The following TAS2R1 variants were observed in gnomAD, a reference collection of about 807,000 sequenced individuals.
The protein encoded by TAS2R1 is taste receptor type 2 member 1.
For synonymous variants in TAS2R1, 141 were observed against 134.2 expected (o/e 1.05, Z -0.35); for missense variants, 370 against 353.4 (o/e 1.05, Z -0.38).
At chr5:9,863,372 C>A in the TAS2R1 span, among the ~76,000 whole-genome samples, 1 of 151,064 alleles carries the variant, frequency 6.6e-6, no homozygotes, top group Non-Finnish European at 1.5e-5. Context: ...CCTGGGTTCA[C>A]GCCATTCTCC....
intron 2 of TAS2R1, among the ~76,000 whole-genome samples, chr5:9,652,006 T>A (rs1740315699): frequency 6.6e-6 from 1 of 152,166 alleles, no homozygotes; most frequent in East Asian, 1.9e-4. Flanking sequence ...TGCATGAGTG[T>A]CAGAAGGAAA....
At chr5:9,709,803 C>T (rs1161011210) in intron 1 of TAS2R1, among the ~76,000 whole-genome samples, 1 of 152,204 alleles carries the variant, frequency 6.6e-6, no homozygotes, top group Non-Finnish European at 1.5e-5. Flanking sequence ...CTGGAAACAC[C>T]CAGCTAATCT....
the TAS2R1 span, among the ~76,000 whole-genome samples, chr5:9,796,735 AAAAAG>A: frequency 2.0e-3 from 294 of 146,932 alleles, 2 homozygotes; most frequent in African/African-American, 5.6e-3. Flanking sequence ...AAAAAAAAAA[AAAAAG>A]AAAAGAAAAA....
rs1739790730 is a variant in TAS2R1, at chr5:9,628,134, A to G, written c.*999T>C. ...GTATATCTATCTCCATAATTTATCTATCTATCTATCTATCTATCTATCTAT... is the reference window on the plus strand; with the variant it reads ...GTATATCTATCTCCATAATTTATCTGTCTATCTATCTATCTATCTATCTAT... On this transcript the variant is annotated 3_prime_UTR_variant, in exon 1 of 1. Transcript: ENST00000382492. Among the ~76,000 whole-genome samples the G allele has an allele frequency of 7.5e-6, 1 of 133,110 alleles. No individual in the cohort carries two copies. Among genetic ancestry groups the G allele is most frequent in the East Asian group, 2.0e-4 (1 of 4,978 alleles). 87.3% of individuals were successfully genotyped at this position (133,110 alleles called of 152,430 possible).
chr5:9,791,118 T>C, the TAS2R1 span, among the ~76,000 whole-genome samples: 20 of 152,268 alleles, frequency 1.3e-4, no homozygotes, highest in Non-Finnish European at 2.4e-4. Flanking sequence ...AACCATATGC[T>C]CACTAAGTTA....
intron 1 of TAS2R1, among the ~76,000 whole-genome samples, chr5:9,679,089 G>C (rs1333215048): frequency 2.0e-5 from 3 of 152,162 alleles, no homozygotes; most frequent in African/African-American, 7.2e-5. Flanking sequence ...CTATTACTAA[G>C]TGAAATGAGC....
At chr5:9,644,094 G>A (rs148060792) in intron 2 of TAS2R1, among the ~76,000 whole-genome samples, 1 of 152,288 alleles carries the variant, frequency 6.6e-6, no homozygotes, top group Non-Finnish European at 1.5e-5. Flanking sequence ...AAGGCATGGA[G>A]ACTGCATCTC....
At chr5:9,703,881 T>C (rs1393591482) in intron 1 of TAS2R1, among the ~76,000 whole-genome samples, 1 of 152,236 alleles carries the variant, frequency 6.6e-6, no homozygotes, top group African/African-American at 2.4e-5. Context: ...CTAGACTAAA[T>C]GCATACTCAT....
the TAS2R1 span, among the ~76,000 whole-genome samples, chr5:9,774,734 C>A: frequency 1.3e-5 from 2 of 152,242 alleles, no homozygotes; most frequent in Admixed American, 6.5e-5. Flanking sequence ...CAGAATAATT[C>A]TCTGGATTAC....
the TAS2R1 span, among the ~76,000 whole-genome samples, chr5:9,814,522 T>C: frequency 1.7e-3 from 261 of 152,300 alleles, no homozygotes; most frequent in African/African-American, 5.9e-3. Flanking sequence ...AGGGAATACA[T>C]TCTACATTCC....
the TAS2R1 span, among the ~76,000 whole-genome samples, chr5:9,796,985 C>T: frequency 5.9e-5 from 9 of 152,204 alleles, no homozygotes; most frequent in South Asian, 1.9e-3. Flanking sequence ...CTGGGAAACA[C>T]TGCTCCATAT....
chr5:9,844,867 A>G, the TAS2R1 span, among the ~76,000 whole-genome samples: 1 of 152,190 alleles, frequency 6.6e-6, no homozygotes, highest in Non-Finnish European at 1.5e-5. Context: ...TGCCAGGTGA[A>G]TTTTCCCAAA....
In TAS2R1 at chr5:9,629,037, A is replaced by G. The variant is rs1739813094; in HGVS notation, c.*96T>C. On this transcript the variant is annotated 3_prime_UTR_variant, in exon 1 of 1. Transcript: ENST00000382492. ...CAGGCCTGAAGGGGACATGTTGTAT[A>G]TTTATGAACAGGCTGCTTTGTCTGG... 7.5e-7 allele frequency: 1 copy of G among 1,326,352 alleles called. No individual in the cohort carries two copies. Among genetic ancestry groups the G allele is most frequent in the African/African-American group, 1.5e-5 (1 of 68,412 alleles). 82.2% of individuals were successfully genotyped at this position (1,326,352 alleles called of 1,614,324 possible). A position where few individuals can be genotyped will look rare whatever the true frequency, so the allele number is the denominator to read the frequency against.
At chr5:9,689,356 G>A (rs1470135993) in intron 1 of TAS2R1, among the ~76,000 whole-genome samples, 1 of 152,110 alleles carries the variant, frequency 6.6e-6, no homozygotes, top group Non-Finnish European at 1.5e-5. Flanking sequence ...AGAATTACCT[G>A]GGAACATGTC....
chr5:9,878,122 A>G, the TAS2R1 span, among the ~76,000 whole-genome samples: 15 of 152,180 alleles, frequency 9.9e-5, no homozygotes, highest in African/African-American at 3.4e-4. Context: ...GGGGCTCTCA[A>G]TGAATTCATG....
At chr5:9,829,613 G>C in the TAS2R1 span, among the ~76,000 whole-genome samples, 1 of 152,158 alleles carries the variant, frequency 6.6e-6, no homozygotes, top group East Asian at 1.9e-4. Flanking sequence ...ACAATAAGCA[G>C]CACTAAATTC....
intron 2 of TAS2R1, among the ~76,000 whole-genome samples, chr5:9,638,726 G>T (rs923133091): frequency 6.6e-6 from 1 of 152,148 alleles, no homozygotes; most frequent in Non-Finnish European, 1.5e-5. Context: ...GGGAAGGTAG[G>T]GAAATACCAT....
the TAS2R1 span, among the ~76,000 whole-genome samples, chr5:9,826,157 T>C: frequency 6.6e-6 from 1 of 151,708 alleles, no homozygotes; most frequent in African/African-American, 2.4e-5. Context: ...TAATCTATCA[T>C]TATAATGTCC....
the TAS2R1 span, among the ~76,000 whole-genome samples, chr5:9,796,008 T>C: frequency 6.6e-6 from 1 of 152,164 alleles, no homozygotes. Flanking sequence ...GGAACTTGTC[T>C]GCAGGCAAAT....
Sources: gnomAD v4.1 joint callset for allele counts (sites outside exome capture counted in the v4.1 genomes callset) on GRCh38, gnomAD v4.1.1 for gene constraint, MANE v1.5 for transcripts, NCBI Gene and HGNC (gene_info 2026-07-23, HGNC 2026-07-21) for gene names.